The following SSR3 variants were observed in gnomAD, a reference collection of about 807,000 sequenced individuals.
The protein encoded by SSR3 is signal sequence receptor subunit 3.
SSR3 carries 10 observed loss-of-function variants against 22.1 expected under a neutral mutation model. The ratio of observed to expected loss-of-function variants is 0.45; its 90% confidence interval spans 0.28 to 0.77. The LOEUF (loss-of-function observed/expected upper bound fraction) is 0.77, where lower values mean the gene tolerates loss of function less well. SSR3 is among the 30% of genes least tolerant of loss of function. The pLI, the probability that SSR3 is intolerant of heterozygous loss-of-function variation, is 0.13. For missense variants in SSR3, 181 were observed against 220.5 expected (o/e 0.82, Z 1.13); for synonymous variants, 104 against 82.5 (o/e 1.26, Z -1.42).
At chr3:156,548,028 A>G (rs775922528) in intron 3 of SSR3, among the ~76,000 whole-genome samples, 4 of 152,244 alleles carry the variant, frequency 2.6e-5, no homozygotes, top group Non-Finnish European at 5.9e-5. Flanking sequence ...TACAGAAAAT[A>G]TATTATATGC....
At position 156,541,599 on chromosome 3, in the gene SSR3, A is replaced by G. The variant is rs1719509703; in HGVS notation, c.*1604T>C. On this transcript the variant is annotated 3_prime_UTR_variant, in exon 5 of 5. Coordinates refer to ENST00000265044, the MANE Select transcript of SSR3 (RefSeq NM_007107.5). Reference sequence around the variant, plus strand: ...TGGCTAATTTTGGTATTTTTAGTAGAGACGGGGTTTCACCATGTTGGCCAG... The same window carrying G: ...TGGCTAATTTTGGTATTTTTAGTAGGGACGGGGTTTCACCATGTTGGCCAG... 6.6e-6 allele frequency: 1 copy of G among 152,150 alleles called. No homozygotes were observed. The highest frequency in any genetic ancestry group is 2.4e-5 in the African/African-American group (1 of 41,430). 9.4% of individuals were successfully genotyped at this position (152,150 alleles called of 1,614,324 possible).
intron 2 of SSR3, among the ~76,000 whole-genome samples, chr3:156,552,092 G>C (rs1043989443): frequency 6.6e-6 from 1 of 152,122 alleles, no homozygotes; most frequent in Non-Finnish European, 1.5e-5. Context: ...CTTGAGCCCA[G>C]AAGTTCAAGA....
Position 156,539,944 on chromosome 3 carries a change from T to C in SSR3, c.*3259A>G, listed in dbSNP as rs1214165309. ...ATTGGTAACTACAAAGATGTGCATT[T>C]ACATGTGTGAGATATTAAAATGATG... is the stretch of plus-strand genomic sequence containing the variant. On this transcript the variant is annotated 3_prime_UTR_variant, in exon 5 of 5. Transcript: ENST00000265044. Among the ~76,000 whole-genome samples the C allele has an allele frequency of 6.6e-6, 1 of 152,200 alleles. No homozygotes were observed. Among genetic ancestry groups the C allele is most frequent in the Non-Finnish European group, 1.5e-5 (1 of 68,040 alleles).
intron 2 of SSR3, among the ~76,000 whole-genome samples, chr3:156,553,054 A>G (rs1229680691): frequency 6.6e-6 from 1 of 150,494 alleles, no homozygotes; most frequent in Non-Finnish European, 1.5e-5. Context: ...AAAAAAAAAA[A>G]GCAATAAAAT....
At chr3:156,549,787 T>C (rs963457337) in intron 2 of SSR3, among the ~76,000 whole-genome samples, 6 of 151,958 alleles carry the variant, frequency 3.9e-5, no homozygotes, top group Non-Finnish European at 8.8e-5. Flanking sequence ...CACAAATTGG[T>C]AACTGGAAAG....
intron 2 of SSR3, among the ~76,000 whole-genome samples, chr3:156,549,956 A>C (rs931507401): frequency 6.6e-6 from 1 of 152,004 alleles, no homozygotes; most frequent in African/African-American, 2.4e-5. Context: ...CGAAGATCCA[A>C]CTTCATTTGA....
rs1398682148 is a variant in SSR3 at position 156,540,958 on chromosome 3, G to C, written c.*2245C>G. On this transcript the variant is annotated 3_prime_UTR_variant, in exon 5 of 5. Transcript: ENST00000265044. The stretch of plus-strand genomic sequence containing the variant: ...CAGTAAATCCTTAACGAAAACTACT[G>C]AACTGTGAGTATATGCTTTATAATC... The C allele has an allele frequency of 6.6e-6, 1 of 152,164 alleles. No individual in the cohort carries two copies. The highest frequency in any genetic ancestry group is 1.5e-5 in the Non-Finnish European group (1 of 68,038). 9.4% of individuals were successfully genotyped at this position (152,164 alleles called of 1,614,324 possible). A position where few individuals can be genotyped will look rare whatever the true frequency, so the allele number is the denominator to read the frequency against.
In SSR3 at chr3:156,553,690, A is replaced by C; in HGVS notation, c.225T>G (p.Phe75Leu). Residue 75 changes from phenylalanine to leucine, a missense_variant, in exon 2 of 5, where the codon TTT (phenylalanine) becomes TTG (leucine). Transcript: ENST00000265044. ...GAACAAATTTCACATTCTTGTATGC[A>C]AAGGCTACCAAATATGTGCTTACTA... ...MTLVSTYLVA[F>L]AYKNVKFVLK... 1 of 1,612,402 alleles carries C rather than the reference A, an allele frequency of 6.2e-7. No homozygotes were observed. Among genetic ancestry groups the C allele is most frequent in the Non-Finnish European group, 8.5e-7 (1 of 1,179,906 alleles).
Position 156,554,676 on chromosome 3 carries a change from G to A in SSR3, c.133+281C>T, listed in dbSNP as rs1720084624. On this transcript the variant is annotated intron_variant, in intron 1 of 4. Coordinates refer to ENST00000265044, the MANE Select transcript of SSR3 (RefSeq NM_007107.5). ...TTGTCTGTTTAAATAGAGATTCGGGGCCGCCACCCCAGAACTAGTTAACCA... is the reference window on the plus strand; with the variant it reads ...TTGTCTGTTTAAATAGAGATTCGGGACCGCCACCCCAGAACTAGTTAACCA... The A allele has an allele frequency of 1.2e-5, 5 of 428,352 alleles. No individual in the cohort carries two copies. The Admixed American group carries it at 1.2e-4, about 10-fold the overall frequency. The allele number at this position is 428,352 out of a possible 1,614,324, so 26.5% of individuals were successfully genotyped here.
intron 2 of SSR3, among the ~76,000 whole-genome samples, chr3:156,551,676 C>T (rs1719962024): frequency 1.3e-5 from 2 of 152,162 alleles, no homozygotes; most frequent in African/African-American, 4.8e-5. Context: ...TAAAATAAAC[C>T]CCTGTTAACT....
At chr3:156,550,741 A>C (rs1719920887) in intron 2 of SSR3, among the ~76,000 whole-genome samples, 1 of 152,242 alleles carries the variant, frequency 6.6e-6, no homozygotes, top group Admixed American at 6.5e-5. Flanking sequence ...AACATGGTTT[A>C]AATTATGCCA....
At chr3:156,543,897 T>G (rs1481292265) in intron 4 of SSR3, 2 of 185,554 alleles carry the variant, frequency 1.1e-5, no homozygotes, top group African/African-American at 4.7e-5. Context: ...TAACAGCAGC[T>G]TGAAACACTA....
rs1192883554 is a variant in SSR3 at position 156,539,931 on chromosome 3, A to T, written c.*3272T>A. On this transcript the variant is annotated 3_prime_UTR_variant, in exon 5 of 5. Coordinates refer to ENST00000265044, the MANE Select transcript of SSR3 (RefSeq NM_007107.5). The stretch of plus-strand genomic sequence containing the variant: ...TCACATACATTTGATTGGTAACTAC[A>T]AAGATGTGCATTTACATGTGTGAGA... Among the ~76,000 whole-genome samples, 2 of 152,206 alleles carry T rather than the reference A, an allele frequency of 1.3e-5. No individual in the cohort carries two copies. Among genetic ancestry groups the T allele is most frequent in the Non-Finnish European group, 2.9e-5 (2 of 68,042 alleles).
At position 156,555,066 on chromosome 3, in the gene SSR3, T is replaced by C; in HGVS notation, c.24A>G (p.Lys8=). The change falls in exon 1 of 5, where the codon AAA becomes AAG. Residue 8 remains lysine (K), a synonymous_variant. Transcript: ENST00000265044. ...GGAGCAGGTCCTCCTCAGACTGCTGTTTGGAGCTGCCTTTAGGAGCCATGG... is the reference window on the plus strand; with the variant it reads ...GGAGCAGGTCCTCCTCAGACTGCTGCTTGGAGCTGCCTTTAGGAGCCATGG... MAPKGSS[K]QQSEEDLLLQ... is the part of the protein sequence containing the mutation. 2 of 1,613,830 alleles carry C rather than the reference T, an allele frequency of 1.2e-6. No homozygotes were observed. Among genetic ancestry groups the C allele is most frequent in the Non-Finnish European group, 1.7e-6 (2 of 1,179,910 alleles).
chr3:156,550,590 G>A (rs1719915397), intron 2 of SSR3, among the ~76,000 whole-genome samples: 2 of 151,974 alleles, frequency 1.3e-5, no homozygotes, highest in South Asian at 4.2e-4. Context: ...TAGTGACCTA[G>A]CACTTAGTCA....
chr3:156,555,061 T>A lies in SSR3; in HGVS notation c.29A>T (p.Gln10Leu). 6.2e-7 allele frequency: 1 copy of A among 1,613,908 alleles called. No homozygotes were observed. The highest frequency in any genetic ancestry group is 1.1e-5 in the South Asian group (1 of 91,078). Reference protein sequence around the residue: MAPKGSSKQQSEEDLLLQDF... With the variant: MAPKGSSKQLSEEDLLLQDF... ...CTGCAGGAGCAGGTCCTCCTCAGACTGCTGTTTGGAGCTGCCTTTAGGAGC... is the reference window on the plus strand; with the variant it reads ...CTGCAGGAGCAGGTCCTCCTCAGACAGCTGTTTGGAGCTGCCTTTAGGAGC... The change falls in exon 1 of 5, where the codon CAG (glutamine) becomes CTG (leucine). Residue 10 changes from glutamine (Q) to leucine (L), a missense_variant. Gln to Leu is a moderately radical substitution (Grantham distance 113, BLOSUM62 -2). Transcript: ENST00000265044.
rs1577004762 is a variant in SSR3 at position 156,554,516 on chromosome 3, G to C, written c.133+441C>G. On this transcript the variant is annotated intron_variant, in intron 1 of 4. Transcript: ENST00000265044. Reference sequence around the variant, plus strand: ...AATGGTGTGAAGTAGCTCACGTAAAGATGCACTTATAATTCAGTGGGTCAC... The same window carrying C: ...AATGGTGTGAAGTAGCTCACGTAAACATGCACTTATAATTCAGTGGGTCAC... Among the ~76,000 whole-genome samples, 6 of 152,302 alleles carry C rather than the reference G, an allele frequency of 3.9e-5. No homozygotes were observed. The South Asian group carries it at 1.2e-3, about 32-fold the overall frequency.
At chr3:156,554,495 G>C (rs929292772) in intron 1 of SSR3, among the ~76,000 whole-genome samples, 2 of 152,184 alleles carry the variant, frequency 1.3e-5, no homozygotes, top group Non-Finnish European at 1.5e-5. Context: ...TTATGCAATG[G>C]TGTGAAGTAG....
chr3:156,544,351 T>C lies in SSR3; in HGVS notation c.448A>G (p.Ile150Val), dbSNP rs1719681453. ...YNNTLFLVVV[I>V]VASFFILKNF... ...TTCAATATGAAGAAGGAAGCAACAA[T>C]GACCACGACCAGGAACAGAGTGTTG... The change falls in exon 4 of 5, where the codon ATT becomes GTT. Residue 150 changes from isoleucine (I) to valine (V), a missense_variant. Transcript: ENST00000265044. The C allele has an allele frequency of 6.3e-7, 1 of 1,596,624 alleles. No individual in the cohort carries two copies.
Sources: gnomAD v4.1 joint callset for allele counts (sites outside exome capture counted in the v4.1 genomes callset) on GRCh38, gnomAD v4.1.1 for gene constraint, MANE v1.5 for transcripts, NCBI Gene and HGNC (gene_info 2026-07-23, HGNC 2026-07-21) for gene names.